Variants in CDH18 observed in about 807,000 individuals in gnomAD.
The protein encoded by CDH18 is cadherin 18.
A neutral mutation model predicts 67.9 loss-of-function variants in CDH18; 31 were observed. The ratio of observed to expected loss-of-function variants is 0.46; its 90% CI spans 0.34 to 0.62. CDH18 has a LOEUF of 0.62. CDH18 is among the 20% of genes least tolerant of loss of function. The pLI is 0.01. For synonymous variants in CDH18, 362 were observed against 347.2 expected, an observed-to-expected ratio of 1.04 and a Z score of -0.48; for missense variants, 890 against 975.5, an observed-to-expected ratio of 0.91 and a Z score of 1.17.
At chr5:20,374,314 A>G (rs575427195) in intron 1 of CDH18, among the ~76,000 whole-genome samples, 4 of 152,348 alleles carry the variant, frequency 2.6e-5, no homozygotes, top group African/African-American at 7.2e-5. Context: ...TGAGAAAGAA[A>G]TTATTTCAGA....
intron 2 of CDH18, among the ~76,000 whole-genome samples, chr5:20,097,213 A>G (rs1320301136): frequency 6.6e-6 from 1 of 152,036 alleles, no homozygotes; most frequent in Non-Finnish European, 1.5e-5. Flanking sequence ...GTTCCATTGC[A>G]CATTTTTTTC....
intron 12 of CDH18, among the ~76,000 whole-genome samples, chr5:19,481,238 T>C (rs985801778): frequency 5.9e-5 from 9 of 152,176 alleles, no homozygotes; most frequent in African/African-American, 2.2e-4. Context: ...ATTCTCTTGC[T>C]GGGCAACTTG....
At chr5:20,001,751 G>A (rs1450274272) in intron 2 of CDH18, among the ~76,000 whole-genome samples, 3 of 152,106 alleles carry the variant, frequency 2.0e-5, no homozygotes, top group Non-Finnish European at 2.9e-5. Flanking sequence ...CAGGCCTTTC[G>A]GTCACTGTAG....
In CDH18 at chr5:20,004,125, T is replaced by A. The variant is rs76118997; in HGVS notation, c.-517-12111A>T. ...AAACTTCTAGGGATTGTCCTTCATA[T>A]CTCTCATTTAGTTTTCTAACTCATC... On this transcript the variant is annotated intron_variant, in intron 2 of 14. Coordinates refer to the CDH18 transcript ENST00000507958. 0.018 allele frequency among the ~76,000 whole-genome samples: 2,724 copies of A among 152,202 alleles called. 172 individuals are homozygous for A. The East Asian group carries it at 0.25, about 14-fold the overall frequency.
At chr5:20,514,428 T>C (rs1481168272) in intron 1 of CDH18, among the ~76,000 whole-genome samples, 2 of 152,164 alleles carry the variant, frequency 1.3e-5, no homozygotes, top group Non-Finnish European at 1.5e-5. Flanking sequence ...AATGTCAAGC[T>C]TGGTCGTCAT....
At position 20,139,758 on chromosome 5, in the gene CDH18, C is replaced by T. The variant is rs544159062; in HGVS notation, c.-518+115686G>A. 3.9e-5 allele frequency among the ~76,000 whole-genome samples: 6 copies of T among 152,232 alleles called. No homozygotes were observed. The South Asian group carries it at 1.0e-3, about 26-fold the overall frequency. The stretch of plus-strand genomic sequence containing the variant: ...GCCATCAGAGAAATGCAAATCAAAA[C>T]CACAATGAGATACCATCTCACACCA... On this transcript the variant is annotated intron_variant, in intron 2 of 14. Coordinates refer to the CDH18 transcript ENST00000507958.
chr5:19,948,311 C>T (rs767056791), intron 2 of CDH18, among the ~76,000 whole-genome samples: 8 of 152,064 alleles, frequency 5.3e-5, no homozygotes, highest in Non-Finnish European at 4.4e-5. Context: ...GAAATCTGTA[C>T]ACAAATGTTT....
chr5:19,834,260 G>A (rs1308449328), intron 3 of CDH18, among the ~76,000 whole-genome samples: 1 of 151,674 alleles, frequency 6.6e-6, no homozygotes, highest in African/African-American at 2.4e-5. Flanking sequence ...GTAGTAGGGT[G>A]TATACATCCA....
intron 1 of CDH18, among the ~76,000 whole-genome samples, chr5:20,532,195 C>G (rs7722015): frequency 0.42 from 63,452 of 151,820 alleles, 14,442 homozygotes; most frequent in East Asian, 0.56. Context: ...ATAGTCTACA[C>G]AAAATGCTGT....
At chr5:20,390,345 T>G (rs1363835225) in intron 1 of CDH18, among the ~76,000 whole-genome samples, 3 of 152,130 alleles carry the variant, frequency 2.0e-5, no homozygotes, top group South Asian at 2.1e-4. Flanking sequence ...AACAGACACT[T>G]CTCAAAGGAG....
chr5:19,553,401 TATA>T (rs1401212054), intron 8 of CDH18, among the ~76,000 whole-genome samples: 1 of 151,484 alleles, frequency 6.6e-6, no homozygotes, highest in Non-Finnish European at 1.5e-5. Flanking sequence ...AAACTTAAAG[TATA>T]ATAATAATAA....
chr5:20,521,981 A>G (rs954267139), intron 1 of CDH18, among the ~76,000 whole-genome samples: 1 of 152,184 alleles, frequency 6.6e-6, no homozygotes, highest in African/African-American at 2.4e-5. Context: ...TCAATATGTA[A>G]TCGTGTTGTG....
chr5:20,224,939 T>C (rs1741496980), intron 2 of CDH18, among the ~76,000 whole-genome samples: 2 of 152,080 alleles, frequency 1.3e-5, no homozygotes, highest in Admixed American at 6.6e-5. Flanking sequence ...TCTCTCCTTC[T>C]CTCTCTGATT....
intron 2 of CDH18, among the ~76,000 whole-genome samples, chr5:19,880,676 AT>A (rs1187542822): frequency 2.6e-5 from 4 of 152,158 alleles, no homozygotes; most frequent in African/African-American, 9.6e-5. Flanking sequence ...TTATTCAAGT[AT>A]CTCATTCTGA....
rs147876233 is a variant in CDH18, at chr5:20,072,654, T to A, written c.-517-80640A>T. On this transcript the variant is annotated intron_variant, in intron 2 of 14. Transcript: ENST00000507958. ...GGTGGAGTGCACGTGCAATGAACAG[T>A]TCACAGCAGCTTTGGAAATATCTGT... 1.4e-4 allele frequency among the ~76,000 whole-genome samples: 21 copies of A among 152,030 alleles called. No homozygotes were observed. The East Asian group carries it at 4.1e-3, about 29-fold the overall frequency.
At chr5:19,917,576 T>A (rs1203046544) in intron 2 of CDH18, among the ~76,000 whole-genome samples, 1 of 152,110 alleles carries the variant, frequency 6.6e-6, no homozygotes, top group African/African-American at 2.4e-5. Flanking sequence ...TTGTTTCCAG[T>A]CTCTTAGGTG....
intron 1 of CDH18, among the ~76,000 whole-genome samples, chr5:20,558,579 A>G (rs1209382484): frequency 6.6e-6 from 1 of 152,074 alleles, no homozygotes; most frequent in East Asian, 1.9e-4. Context: ...GAAACCATAG[A>G]CAGGATTATT....
Position 20,392,850 on chromosome 5 carries a change from C to T in CDH18, c.-579-137345G>A, listed in dbSNP as rs74662626. ...TTTTGGTTCAGCACTTTTTTTATTTCAGGTTACACTGATCTCACATTCCAT... is the reference window on the plus strand; with the variant it reads ...TTTTGGTTCAGCACTTTTTTTATTTTAGGTTACACTGATCTCACATTCCAT... On this transcript the variant is annotated intron_variant, in intron 1 of 14. Coordinates refer to the CDH18 transcript ENST00000507958. Among the ~76,000 whole-genome samples the T allele has an allele frequency of 2.3e-3, 353 of 151,842 alleles. 3 individuals are homozygous for T. Among genetic ancestry groups the T allele is most frequent in the Non-Finnish European group, 3.7e-3 (251 of 67,768 alleles).
intron 2 of CDH18, among the ~76,000 whole-genome samples, chr5:20,205,458 G>A (rs1739808352): frequency 6.6e-6 from 1 of 151,800 alleles, no homozygotes; most frequent in Non-Finnish European, 1.5e-5. Flanking sequence ...CCCACTGTCA[G>A]TAATGGACAA....
Sources: allele counts gnomAD v4.1 joint callset (sites outside exome capture counted in the v4.1 genomes callset), GRCh38; gene constraint gnomAD v4.1.1; transcripts MANE v1.5; gene names NCBI Gene and HGNC (gene_info 2026-07-23, HGNC 2026-07-21).